The following NBAS variants were observed in gnomAD, a reference collection of about 807,000 sequenced individuals.
The protein encoded by NBAS is NAG/BC035112 fusion.
Under a neutral mutation model 302.5 loss-of-function variants are expected in NBAS, and 219 were observed. The ratio of observed to expected loss-of-function variants is 0.72; its 90% CI spans 0.65 to 0.81. The LOEUF (loss-of-function observed/expected upper bound fraction) is 0.81, where lower values mean the gene tolerates loss of function less well. Among genes scored for constraint, NBAS ranks in the 30% least tolerant of loss-of-function variants. NBAS has a pLI of 0.00. For synonymous variants in NBAS, 1,118 were observed against 1,021.6 expected, an observed-to-expected ratio of 1.09 and a Z score of -1.80; for missense variants, 2,932 against 2,841.6, an observed-to-expected ratio of 1.03 and a Z score of -0.72.
intron 21 of NBAS, among the ~76,000 whole-genome samples, chr2:15,448,081 G>T (rs1192510959): frequency 6.6e-6 from 1 of 152,116 alleles, no homozygotes; most frequent in Non-Finnish European, 1.5e-5. Flanking sequence ...GCCTCCCAAA[G>T]GCCACACCAT....
Position 15,561,187 on chromosome 2 carries a change from C to T in NBAS, c.117+1G>A. On this transcript the variant is annotated splice_donor_variant, in intron 1 of 51. Transcript: ENST00000281513. LOFTEE classifies it high-confidence loss of function. ...TGCTGCTGTAGATGGGCCTGGTTCA[C>T]CTGTACTTCAGTCTCCGGTGGCCAC... The T allele has an allele frequency of 6.2e-7, 1 of 1,613,418 alleles. No individual in the cohort carries two copies. The highest frequency in any genetic ancestry group is 8.5e-7 in the Non-Finnish European group (1 of 1,179,776).
At chr2:15,019,210 T>C in the NBAS span, among the ~76,000 whole-genome samples, 1 of 152,230 alleles carries the variant, frequency 6.6e-6, no homozygotes, top group Non-Finnish European at 1.5e-5. Context: ...AGAGCCCTGA[T>C]ACAGACATTG....
chr2:15,282,136 G>C (rs544204242), intron 42 of NBAS, among the ~76,000 whole-genome samples: 7 of 152,134 alleles, frequency 4.6e-5, no homozygotes, highest in Admixed American at 3.9e-4. Flanking sequence ...TTGTATTTTT[G>C]TTTTAGTTTT....
chr2:14,995,028 G>T, the NBAS span, among the ~76,000 whole-genome samples: 1 of 152,088 alleles, frequency 6.6e-6, no homozygotes, highest in Non-Finnish European at 1.5e-5. Flanking sequence ...TGATTAAGTG[G>T]GTTGGATGTG....
chr2:15,362,531 G>A (rs1453467810), intron 32 of NBAS, among the ~76,000 whole-genome samples: 1 of 152,004 alleles, frequency 6.6e-6, no homozygotes, highest in East Asian at 1.9e-4. Context: ...TCTTAAAAAG[G>A]GATGATGTTG....
chr2:15,036,789 C>T, the NBAS span, among the ~76,000 whole-genome samples: 16 of 152,172 alleles, frequency 1.1e-4, no homozygotes, highest in African/African-American at 3.9e-4. Context: ...TCACCCCCAG[C>T]TTGCAAATGC....
chr2:14,841,288 C>T, the NBAS span, among the ~76,000 whole-genome samples: 3 of 151,342 alleles, frequency 2.0e-5, no homozygotes, highest in African/African-American at 7.2e-5. Flanking sequence ...TTCAAAACAA[C>T]CAGAAAACAA....
At chr2:15,520,711 A>G (rs983970005) in intron 9 of NBAS, among the ~76,000 whole-genome samples, 3 of 152,096 alleles carry the variant, frequency 2.0e-5, no homozygotes, top group Non-Finnish European at 4.4e-5. Flanking sequence ...TATGATTTTC[A>G]TGTATGATAA....
Position 15,229,347 on chromosome 2 carries a change from C to CAAAAAAAAA in NBAS, c.6236+3066_6236+3074dup, listed in dbSNP as rs61152926. Among the ~76,000 whole-genome samples the CAAAAAAAAA allele has an allele frequency of 1.9e-3, 149 of 76,858 alleles. 9 individuals are homozygous for CAAAAAAAAA. The highest frequency in any genetic ancestry group is 0.014 in the Middle Eastern group (1 of 72). The allele number at this position is 76,858 out of a possible 152,430, so 50.4% of individuals were successfully genotyped here. A position where few individuals can be genotyped will look rare whatever the true frequency, so the allele number is the denominator to read the frequency against. On this transcript the variant is annotated intron_variant, in intron 47 of 51. Coordinates refer to ENST00000281513, the MANE Select transcript of NBAS (RefSeq NM_015909.4). ...CACTGCAAGACTCTGTCTCAAAAAA[C>CAAAAAAAAA]AAAAAAAAAAAAAAAAAAAAAAAAA...
At chr2:15,304,709 G>A (rs530233664) in intron 40 of NBAS, among the ~76,000 whole-genome samples, 3 of 152,348 alleles carry the variant, frequency 2.0e-5, no homozygotes, top group African/African-American at 7.2e-5. Flanking sequence ...CTTTAGCAAA[G>A]AGACTGCTGG....
At chr2:15,220,119 CGGGCGGGGGGCTG>C (rs1666878393) in intron 47 of NBAS, among the ~76,000 whole-genome samples, 1 of 147,286 alleles carries the variant, frequency 6.8e-6, no homozygotes, top group Non-Finnish European at 1.5e-5. Context: ...GGCGGCTGGC[CGGGCGGGGGGCTG>C]ACCCCCCCAC....
chr2:15,379,851 G>A lies in NBAS; in HGVS notation c.3361-20C>T, dbSNP rs1457678893. 1.9e-6 allele frequency: 3 copies of A among 1,599,324 alleles called. No homozygotes were observed. The highest frequency in any genetic ancestry group is 1.7e-5 in the Admixed American group (1 of 59,964). On this transcript the variant is annotated intron_variant, in intron 29 of 51. Transcript: ENST00000281513. ...AAATATCTGGAAAAAAGGAGAAACT[G>A]GAATTAGTTATAGAGAGGGAAGATT... is the stretch of plus-strand genomic sequence containing the variant.
At chr2:15,211,019 T>C (rs978894152) in intron 48 of NBAS, among the ~76,000 whole-genome samples, 1 of 151,682 alleles carries the variant, frequency 6.6e-6, no homozygotes, top group Non-Finnish European at 1.5e-5. Context: ...GATTAATAGG[T>C]AGAAAAAAAG....
At chr2:15,533,257 G>T (rs1046958509) in intron 9 of NBAS, among the ~76,000 whole-genome samples, 23 of 152,020 alleles carry the variant, frequency 1.5e-4, no homozygotes, top group African/African-American at 5.6e-4. Context: ...ATCCAGCATT[G>T]GCACTCCTAG....
chr2:15,524,497 C>T (rs2148665719), intron 9 of NBAS, among the ~76,000 whole-genome samples: 1 of 152,298 alleles, frequency 6.6e-6, no homozygotes, highest in African/African-American at 2.4e-5. Context: ...CATACACATG[C>T]TCACTCCATG....
chr2:15,463,609 C>A lies in NBAS; in HGVS notation c.2098-1818G>T, dbSNP rs192332593. The stretch of plus-strand genomic sequence containing the variant: ...CTTTAAAAGGGTTTCTTAATCCCTG[C>A]CTCTTTCCCTTTATCGCACTCATCC... On this transcript the variant is annotated intron_variant, in intron 19 of 51. Coordinates refer to ENST00000281513, the MANE Select transcript of NBAS (RefSeq NM_015909.4). 1.4e-3 allele frequency among the ~76,000 whole-genome samples: 212 copies of A among 152,056 alleles called. 1 individual carries two copies. Among genetic ancestry groups the A allele is most frequent in the Non-Finnish European group, 2.5e-3 (167 of 67,970 alleles).
the NBAS span, among the ~76,000 whole-genome samples, chr2:15,015,733 C>T: frequency 6.6e-6 from 1 of 152,020 alleles, no homozygotes; most frequent in Admixed American, 6.6e-5. Context: ...TAGAACAAGA[C>T]AAGGAAGCTG....
chr2:15,499,675 T>C (rs561386845), intron 11 of NBAS, among the ~76,000 whole-genome samples: 24 of 152,190 alleles, frequency 1.6e-4, no homozygotes, highest in Admixed American at 7.8e-4. Context: ...AGGCCTAATA[T>C]ATGGGTGACG....
the NBAS span, among the ~76,000 whole-genome samples, chr2:14,895,359 A>C: frequency 6.6e-6 from 1 of 152,236 alleles, no homozygotes; most frequent in Non-Finnish European, 1.5e-5. Context: ...TCTTCTAGAC[A>C]TTGGACGAGT....
Sources: allele counts gnomAD v4.1 joint callset (sites outside exome capture counted in the v4.1 genomes callset), GRCh38; gene constraint gnomAD v4.1.1; transcripts MANE v1.5; gene names NCBI Gene and HGNC (gene_info 2026-07-23, HGNC 2026-07-21).